CCDC171: variants seen among roughly 807,000 people sequenced by gnomAD.
CCDC171 encodes the protein coiled-coil domain-containing protein 171.
Under a neutral mutation model 168.2 loss-of-function variants are expected in CCDC171, and 177 were observed. That is an observed-to-expected ratio of 1.05 (90% CI 0.93 to 1.19). CCDC171 has a LOEUF of 1.19. CCDC171 is among the 50% of genes most tolerant of loss of function. The pLI is 0.00. For synonymous variants in CCDC171, 687 were observed against 540.8 expected (o/e 1.27, Z -3.75); for missense variants, 1,991 against 1,539.0 (o/e 1.29, Z -4.91).
chr9:16,073,611 A>G, the CCDC171 span, among the ~76,000 whole-genome samples: 1 of 152,202 alleles, frequency 6.6e-6, no homozygotes, highest in African/African-American at 2.4e-5. Flanking sequence ...TTATATTTAT[A>G]CATATTTAAG....
chr9:15,779,123 A>G lies in CCDC171; in HGVS notation c.3054A>G (p.Gln1018=), dbSNP rs780970465. Reference sequence around the variant, plus strand: ...AGCTTGACAAAGCCCAGGGTCTGCAAATGCAATTAAATGAATTTAAGCAGT... The same window carrying G: ...AGCTTGACAAAGCCCAGGGTCTGCAGATGCAATTAAATGAATTTAAGCAGT... ...KKELDKAQGL[Q]MQLNEFKQSK... The change falls in exon 20 of 26, where the codon CAA becomes CAG. Residue 1018 remains glutamine (Q), a synonymous_variant. Coordinates refer to ENST00000380701, the MANE Select transcript of CCDC171 (RefSeq NM_173550.4). The G allele has an allele frequency of 6.3e-7, 1 of 1,581,512 alleles. No individual in the cohort carries two copies. The highest frequency in any genetic ancestry group is 1.2e-5 in the South Asian group (1 of 82,940).
At chr9:15,716,382 G>A (rs776314264) in intron 11 of CCDC171, among the ~76,000 whole-genome samples, 8 of 151,696 alleles carry the variant, frequency 5.3e-5, no homozygotes, top group Non-Finnish European at 8.8e-5. Flanking sequence ...ATTGTTTTTC[G>A]GGCCATACTG....
intron 7 of CCDC171, among the ~76,000 whole-genome samples, chr9:15,647,060 C>T (rs2047100617): frequency 6.6e-6 from 1 of 151,740 alleles, no homozygotes; most frequent in Non-Finnish European, 1.5e-5. Context: ...TCTCTTAGAC[C>T]ACAGTGCAAT....
intron 25 of CCDC171, among the ~76,000 whole-genome samples, chr9:15,956,930 G>C (rs1829854194): frequency 6.6e-6 from 1 of 151,804 alleles, no homozygotes; most frequent in Non-Finnish European, 1.5e-5. Flanking sequence ...ACTATAAATT[G>C]GTTGTTAATA....
intron 3 of CCDC171, among the ~76,000 whole-genome samples, chr9:15,982,623 C>T (rs1341315788): frequency 1.3e-5 from 2 of 152,050 alleles, no homozygotes; most frequent in Non-Finnish European, 2.9e-5. Context: ...CTCCTCTGTT[C>T]CTGGGGGTGT....
intron 6 of CCDC171, among the ~76,000 whole-genome samples, chr9:15,621,421 A>T (rs999647193): frequency 4.5e-4 from 69 of 152,294 alleles, no homozygotes; most frequent in African/African-American, 1.6e-3. Context: ...TATATGCTTT[A>T]TGGCAGTGGT....
intron 23 of CCDC171, among the ~76,000 whole-genome samples, chr9:15,853,325 A>G (rs554308987): frequency 6.6e-6 from 1 of 151,830 alleles, no homozygotes; most frequent in Admixed American, 6.6e-5. Context: ...TAAGTATTTT[A>G]TAATTTGCAA....
At chr9:15,604,329 C>G (rs1025885628) in intron 6 of CCDC171, among the ~76,000 whole-genome samples, 1 of 152,144 alleles carries the variant, frequency 6.6e-6, no homozygotes, top group Non-Finnish European at 1.5e-5. Flanking sequence ...TTTGCCCTGC[C>G]ACAAGCTTTT....
At chr9:15,832,983 T>A (rs981896673) in intron 21 of CCDC171, among the ~76,000 whole-genome samples, 2 of 1,572 alleles carry the variant, frequency 1.3e-3, no homozygotes, top group African/African-American at 2.0e-3. Flanking sequence ...ATTATAATCT[T>A]TTTTTTTTTT....
chr9:15,623,449 A>T, intron 7 of CCDC171, 36 bp downstream of exon 7: 3 of 1,303,496 alleles, frequency 2.3e-6, no homozygotes, highest in Non-Finnish European at 3.1e-6. Context: ...ATATATGCGT[A>T]CAAACTTTCA....
intron 21 of CCDC171, among the ~76,000 whole-genome samples, chr9:15,799,197 C>A (rs1017380008): frequency 3.1e-5 from 4 of 130,734 alleles, no homozygotes; most frequent in Non-Finnish European, 6.4e-5. Flanking sequence ...TTTATATAGA[C>A]CCGTGTTTCC....
chr9:15,916,909 AGTCAAAATAAGC>A (rs1824606736), intron 24 of CCDC171, among the ~76,000 whole-genome samples: 1 of 151,974 alleles, frequency 6.6e-6, no homozygotes, highest in Non-Finnish European at 1.5e-5. Context: ...TGCATGGTAT[AGTCAAAATAAGC>A]CCCTGGGGCC....
At chr9:15,703,897 A>G (rs1321551087) in intron 11 of CCDC171, among the ~76,000 whole-genome samples, 1 of 152,212 alleles carries the variant, frequency 6.6e-6, no homozygotes, top group Non-Finnish European at 1.5e-5. Context: ...GGTGTCCCAA[A>G]ACAATTACAA....
rs150772381 is a variant in CCDC171, at chr9:15,642,098, T to A, written c.823-15029T>A. Among the ~76,000 whole-genome samples the A allele has an allele frequency of 7.5e-3, 1,146 of 151,886 alleles. 15 individuals carry two copies. The highest frequency in any genetic ancestry group is 0.031 in the Middle Eastern group (9 of 294). The stretch of plus-strand genomic sequence containing the variant: ...ACAATTGCTTGAAACCAGGAGGTGG[T>A]TGCAGTGAGCTGAGATTGCACCACT... On this transcript the variant is annotated intron_variant, in intron 7 of 25. Transcript: ENST00000380701.
chr9:15,650,886 A>G (rs867894691), intron 7 of CCDC171, among the ~76,000 whole-genome samples: 6 of 152,016 alleles, frequency 3.9e-5, no homozygotes, highest in African/African-American at 1.4e-4. Flanking sequence ...TCTTCCAGCT[A>G]TTTTAAAATA....
At chr9:16,036,758 G>C (rs989413565) in intron 8 of CCDC171, among the ~76,000 whole-genome samples, 1 of 152,224 alleles carries the variant, frequency 6.6e-6, no homozygotes, top group Non-Finnish European at 1.5e-5. Flanking sequence ...TTGGGTTTGA[G>C]GTTTGAATTT....
chr9:15,660,569 G>A (rs1490648982), intron 8 of CCDC171, among the ~76,000 whole-genome samples: 1 of 152,144 alleles, frequency 6.6e-6, no homozygotes, highest in South Asian at 2.1e-4. Flanking sequence ...GAGAACATGT[G>A]GTATTTGGTT....
intron 6 of CCDC171, among the ~76,000 whole-genome samples, chr9:15,616,212 A>G (rs1350743284): frequency 6.6e-6 from 1 of 151,988 alleles, no homozygotes; most frequent in Non-Finnish European, 1.5e-5. Context: ...TTGGCCTCCC[A>G]AAGTGCTGGG....
intron 6 of CCDC171, among the ~76,000 whole-genome samples, chr9:16,024,884 C>T (rs1276381328): frequency 1.3e-5 from 2 of 152,226 alleles, no homozygotes; most frequent in African/African-American, 2.4e-5. Flanking sequence ...TGAGAACCTG[C>T]TATTTGGATA....
Sources: gnomAD v4.1 joint callset for allele counts (sites outside exome capture counted in the v4.1 genomes callset) on GRCh38, gnomAD v4.1.1 for gene constraint, MANE v1.5 for transcripts, NCBI Gene and HGNC (gene_info 2026-07-23, HGNC 2026-07-21) for gene names.